Variants in SYK observed in about 807,000 individuals in gnomAD.
The protein encoded by SYK is spleen associated tyrosine kinase, also known as tyrosine-protein kinase SYK.
Under a neutral mutation model 77.8 loss-of-function variants are expected in SYK, and 16 were observed. The observed-to-expected ratio is 0.21, with a 90% CI of 0.14 to 0.31. SYK has a LOEUF of 0.31. SYK is among the 10% of genes least tolerant of loss of function. The probability of loss-of-function intolerance (pLI) is 1.00; values close to 1 mark genes in which losing one functional copy is unlikely to be tolerated. For missense variants in SYK, 529 were observed against 814.4 expected (o/e 0.65, Z 4.26); for synonymous variants, 312 against 308.7 (o/e 1.01, Z -0.11).
intron 4 of SYK, among the ~76,000 whole-genome samples, chr9:90,863,254 A>G (rs891014506): frequency 6.6e-6 from 1 of 151,954 alleles, no homozygotes; most frequent in Non-Finnish European, 1.5e-5. Context: ...GAGAAAGCCA[A>G]CCGACTCTGC....
At chr9:90,889,353 C>T (rs75184390) in intron 13 of SYK, among the ~76,000 whole-genome samples, 14,698 of 152,296 alleles carry the variant, frequency 0.097, 910 homozygotes, top group African/African-American at 0.15. Flanking sequence ...CTGAACTGTG[C>T]ACACAGAGCC....
Position 90,897,838 on chromosome 9 carries a change from G to A in SYK, c.*2238G>A, listed in dbSNP as rs1564133388. On this transcript the variant is annotated 3_prime_UTR_variant, in exon 14 of 14. Transcript: ENST00000375754. ...GCAGAATTCCCACTGTGGCCAGCACGAGGAAGTCTTTTCTAGTGAAAATGT... is the reference window on the plus strand; with the variant it reads ...GCAGAATTCCCACTGTGGCCAGCACAAGGAAGTCTTTTCTAGTGAAAATGT... 1.8e-5 allele frequency: 4 copies of A among 223,510 alleles called. No individual in the cohort carries two copies. In the East Asian group the frequency reaches 1.9e-4, roughly 11 times the overall value. The allele number at this position is 223,510 out of a possible 1,614,324, so 13.8% of individuals were successfully genotyped here.
chr9:90,843,217 G>T (rs887283098), intron 1 of SYK, among the ~76,000 whole-genome samples: 8 of 152,172 alleles, frequency 5.3e-5, no homozygotes, highest in African/African-American at 1.9e-4. Flanking sequence ...GCAGTGGCTT[G>T]TTGCTATCAT....
intron 1 of SYK, among the ~76,000 whole-genome samples, chr9:90,835,179 G>A (rs1283725096): frequency 1.3e-5 from 2 of 152,234 alleles, no homozygotes; most frequent in East Asian, 3.8e-4. Flanking sequence ...ATGGAAATGG[G>A]TGGGACCATC....
At chr9:90,827,755 C>T (rs1360953087) in intron 1 of SYK, among the ~76,000 whole-genome samples, 1 of 152,170 alleles carries the variant, frequency 6.6e-6, no homozygotes. Context: ...GAAGGTTTAG[C>T]GGTTTGCCAT....
At chr9:90,802,836 G>C (rs958602115) in intron 1 of SYK, among the ~76,000 whole-genome samples, 2 of 19,114 alleles carry the variant, frequency 1.0e-4, no homozygotes, top group African/African-American at 4.8e-4. Flanking sequence ...AAGAGTTGAA[G>C]ATGTTGTGCC....
chr9:90,846,821 G>A (rs1200797432), intron 3 of SYK, among the ~76,000 whole-genome samples: 1 of 152,216 alleles, frequency 6.6e-6, no homozygotes, highest in East Asian at 1.9e-4. Context: ...GGGGAGGGAA[G>A]ACATTGCCCC....
rs1280023315 is a variant in SYK at position 90,887,999 on chromosome 9, T to C, written c.1722+110T>C. The C allele has an allele frequency of 1.9e-5, 26 of 1,389,386 alleles. 1 individual carries two copies. The Admixed American group carries it at 6.9e-4, about 37-fold the overall frequency. 86.1% of individuals were successfully genotyped at this position (1,389,386 alleles called of 1,614,324 possible). ...CTAATCTGAGTCTCTCATTATCTTT[T>C]ACCAGTAAGCAGTTAATGTGCCCTC... On this transcript the variant is annotated intron_variant, in intron 12 of 13. Coordinates refer to ENST00000375754, the MANE Select transcript of SYK (RefSeq NM_003177.7).
intron 3 of SYK, among the ~76,000 whole-genome samples, chr9:90,855,172 G>A (rs1826980725): frequency 6.6e-6 from 1 of 152,156 alleles, no homozygotes; most frequent in Non-Finnish European, 1.5e-5. Context: ...GAATACTGAA[G>A]TATATGTCTT....
chr9:90,824,358 G>A (rs138240564), intron 1 of SYK, among the ~76,000 whole-genome samples: 86 of 152,216 alleles, frequency 5.6e-4, no homozygotes, highest in African/African-American at 2.0e-3. Context: ...AAATAGAAAT[G>A]GAGGAAACAG....
chr9:90,853,019 A>C (rs935552328), intron 3 of SYK, among the ~76,000 whole-genome samples: 1 of 152,046 alleles, frequency 6.6e-6, no homozygotes, highest in Admixed American at 6.6e-5. Context: ...ACTTGTTTAT[A>C]GTCCCCACCC....
At chr9:90,854,268 C>T (rs958370247) in intron 3 of SYK, among the ~76,000 whole-genome samples, 3 of 152,132 alleles carry the variant, frequency 2.0e-5, no homozygotes, top group East Asian at 3.9e-4. Context: ...GGAGCAGGGG[C>T]GGCTGCTCTG....
At chr9:90,845,825 C>T (rs1178697730) in intron 3 of SYK, among the ~76,000 whole-genome samples, 1 of 152,176 alleles carries the variant, frequency 6.6e-6, no homozygotes, top group African/African-American at 2.4e-5. Flanking sequence ...TCTTTTTGGG[C>T]ACCGAGGGAT....
intron 7 of SYK, among the ~76,000 whole-genome samples, chr9:90,867,965 G>A (rs951209880): frequency 6.6e-6 from 1 of 151,834 alleles, no homozygotes; most frequent in South Asian, 2.1e-4. Flanking sequence ...TCTTTTATCA[G>A]TAATTCTTTT....
At chr9:90,859,413 G>GT (rs1827165933) in intron 3 of SYK, among the ~76,000 whole-genome samples, 1 of 152,132 alleles carries the variant, frequency 6.6e-6, no homozygotes, top group Non-Finnish European at 1.5e-5. Context: ...TGAGTTTTAT[G>GT]TTTGTGAGAC....
At chr9:90,842,022 G>C (rs1826378968) in intron 1 of SYK, among the ~76,000 whole-genome samples, 1 of 136,052 alleles carries the variant, frequency 7.4e-6, no homozygotes, top group South Asian at 2.4e-4. Flanking sequence ...TATGTGTAGT[G>C]TGTTGTGTGT....
At chr9:90,861,642 A>C (rs1352576227) in intron 3 of SYK, among the ~76,000 whole-genome samples, 1 of 141,182 alleles carries the variant, frequency 7.1e-6, no homozygotes, top group Non-Finnish European at 1.5e-5. Flanking sequence ...GGAGCATGGG[A>C]GGGACTGAGG....
In SYK at chr9:90,845,226, G is replaced by A. The variant is rs1367128306; in HGVS notation, c.418-208G>A. The stretch of plus-strand genomic sequence containing the variant: ...ACTGGGATTATAAGCGTGAGCCACC[G>A]TGCCCGGCCATGTTATTTTTATTTA... On this transcript the variant is annotated intron_variant, in intron 2 of 13. Coordinates refer to ENST00000375754, the MANE Select transcript of SYK (RefSeq NM_003177.7). Among the ~76,000 whole-genome samples, 5 of 152,280 alleles carry A rather than the reference G, an allele frequency of 3.3e-5. No individual in the cohort carries two copies. The South Asian group carries it at 6.2e-4, about 19-fold the overall frequency.
rs561573135 is a variant in SYK at position 90,884,519 on chromosome 9, A to G, written c.1582-3230A>G. On this transcript the variant is annotated intron_variant, in intron 11 of 13. Coordinates refer to ENST00000375754, the MANE Select transcript of SYK (RefSeq NM_003177.7). ...TATGTGTACATGTACATACATACAC[A>G]TACACATATGTGTACATGTACATAC... is the stretch of plus-strand genomic sequence containing the variant. Among the ~76,000 whole-genome samples the G allele has an allele frequency of 2.1e-5, 2 of 93,158 alleles. 1 individual carries two copies. Among genetic ancestry groups the G allele is most frequent in the East Asian group, 1.2e-3 (2 of 1,614 alleles). 61.1% of individuals were successfully genotyped at this position (93,158 alleles called of 152,430 possible).
Sources: allele counts gnomAD v4.1 joint callset (sites outside exome capture counted in the v4.1 genomes callset), GRCh38; gene constraint gnomAD v4.1.1; transcripts MANE v1.5; gene names NCBI Gene and HGNC (gene_info 2026-07-23, HGNC 2026-07-21).